RTL9: variants seen among roughly 807,000 people sequenced by gnomAD.
RTL9 encodes retrotransposon Gag-like protein 9.
A neutral mutation model predicts 44.7 loss-of-function variants in RTL9; 19 were observed. That is an observed-to-expected ratio of 0.42 (90% CI 0.30 to 0.62). The LOEUF (loss-of-function observed/expected upper bound fraction) is 0.62, where lower values mean the gene tolerates loss of function less well. Ranked by LOEUF, RTL9 falls within the 20% of genes least tolerant of loss-of-function variation. The probability of loss-of-function intolerance (pLI) is 0.16; values close to 1 mark genes in which losing one functional copy is unlikely to be tolerated. For synonymous variants in RTL9, 407 were observed against 398.9 expected (o/e 1.02, Z -0.24); for missense variants, 1,105 against 1,080.6 (o/e 1.02, Z -0.32).
intron 1 of RTL9, among the ~76,000 whole-genome samples, chrX:110,409,912 C>A (rs981945298): frequency 9.0e-6 from 1 of 111,636 alleles, no homozygotes; most frequent in Non-Finnish European, 1.9e-5. Context: ...TTCACTAGAT[C>A]CCAAACCTGG....
chrX:110,393,579 G>T (rs1426995972), intron 1 of RTL9, among the ~76,000 whole-genome samples: 1 of 111,707 alleles, frequency 9.0e-6, no homozygotes, highest in Non-Finnish European at 1.9e-5. Context: ...TCATCCCACT[G>T]GTGCCTCTAA....
chrX:110,418,323 G>A (rs1307070701), upstream of RTL9, among the ~76,000 whole-genome samples: 1 of 112,241 alleles, frequency 8.9e-6, no homozygotes, highest in Non-Finnish European at 1.9e-5. Flanking sequence ...CAACCCATGA[G>A]CAAACACACT....
intron 1 of RTL9, among the ~76,000 whole-genome samples, chrX:110,428,019 G>A (rs753163889): frequency 1.3e-4 from 15 of 111,973 alleles, no homozygotes; most frequent in South Asian, 7.5e-4. Flanking sequence ...CTCCCACAGC[G>A]TCCACAACAT....
intron 1 of RTL9, among the ~76,000 whole-genome samples, chrX:110,405,096 C>CA (rs1345576852): frequency 4.0e-5 from 4 of 99,591 alleles, no homozygotes; most frequent in Admixed American, 1.1e-4. Flanking sequence ...TGTCCCCCCC[C>CA]CCCCCAAGCA....
chrX:110,449,610 T>G (rs750402683), upstream of RTL9, among the ~76,000 whole-genome samples: 1 of 112,331 alleles, frequency 8.9e-6, no homozygotes, highest in Non-Finnish European at 1.9e-5. Context: ...CAGAGAAACT[T>G]GAAACTTGGA....
chrX:110,408,475 G>GA (rs1420647166), intron 1 of RTL9, among the ~76,000 whole-genome samples: 1 of 112,455 alleles, frequency 8.9e-6, no homozygotes, highest in Non-Finnish European at 1.9e-5. Context: ...TGTTCTGCTG[G>GA]ACTTCCATGG....
intron 1 of RTL9, among the ~76,000 whole-genome samples, chrX:110,369,507 C>A (rs1011469598): frequency 9.0e-6 from 1 of 111,121 alleles, no homozygotes. Flanking sequence ...TTATTCCAAG[C>A]CACCCACATT....
At chrX:110,426,001 C>G (rs749206329) in intron 1 of RTL9, among the ~76,000 whole-genome samples, 6 of 111,670 alleles carry the variant, frequency 5.4e-5, no homozygotes, top group Non-Finnish European at 7.5e-5. Context: ...CACACACAAA[C>G]GCACACACAC....
At chrX:110,434,329 G>A (rs1424624297) in intron 1 of RTL9, among the ~76,000 whole-genome samples, 1 of 111,379 alleles carries the variant, frequency 9.0e-6, no homozygotes, top group East Asian at 2.8e-4. Context: ...AGGCAGATTC[G>A]GGACAGACTA....
upstream of RTL9, among the ~76,000 whole-genome samples, chrX:110,449,367 G>T (rs756315529): frequency 1.8e-5 from 2 of 112,859 alleles, no homozygotes; most frequent in South Asian, 7.4e-4. Flanking sequence ...TAGCGTTTCT[G>T]TTGCAGGTTT....
chrX:110,431,321 G>A (rs1403327864), intron 1 of RTL9, among the ~76,000 whole-genome samples: 1 of 90,884 alleles, frequency 1.1e-5, no homozygotes, highest in Non-Finnish European at 2.1e-5. Flanking sequence ...ATGAGGGGAA[G>A]GCTGTGTGTG....
chrX:110,405,217 TC>T (rs1206403532), intron 1 of RTL9, among the ~76,000 whole-genome samples: 1 of 110,413 alleles, frequency 9.1e-6, no homozygotes, highest in African/African-American at 3.3e-5. Context: ...AATTTTTCTA[TC>T]CTTTCTTGTG....
chrX:110,438,337 A>G (rs2068854397), intron 1 of RTL9, among the ~76,000 whole-genome samples: 2 of 111,814 alleles, frequency 1.8e-5, no homozygotes, highest in South Asian at 3.8e-4. Context: ...GGCCAATGGA[A>G]CATTCTTAAT....
chrX:110,420,108 C>T (rs1256388643), intron 1 of RTL9, among the ~76,000 whole-genome samples: 2 of 111,646 alleles, frequency 1.8e-5, no homozygotes, highest in African/African-American at 6.5e-5. Context: ...ATGCCACCTG[C>T]AGCCCCCACC....
chrX:110,441,947 T>A (rs1401349592), intron 1 of RTL9, among the ~76,000 whole-genome samples: 1 of 111,563 alleles, frequency 9.0e-6, no homozygotes, highest in Non-Finnish European at 1.9e-5. Context: ...AAACTGAGAT[T>A]CAGAAGTTAA....
At chrX:110,433,745 T>G (rs752836155) in intron 1 of RTL9, among the ~76,000 whole-genome samples, 11 of 112,271 alleles carry the variant, frequency 9.8e-5, no homozygotes, top group Non-Finnish European at 2.1e-4. Flanking sequence ...GCCTTTCTTC[T>G]TATCATGATC....
chrX:110,432,859 C>T (rs1474136468), intron 1 of RTL9, among the ~76,000 whole-genome samples: 1 of 112,965 alleles, frequency 8.9e-6, no homozygotes, highest in East Asian at 2.8e-4. Context: ...TGGCAAAGAG[C>T]TTTCACAGCT....
intron 1 of RTL9, among the ~76,000 whole-genome samples, chrX:110,380,552 T>C (rs1293878137): frequency 8.9e-6 from 1 of 112,076 alleles, no homozygotes; most frequent in South Asian, 3.7e-4. Flanking sequence ...ACGCTATTCC[T>C]ATCAAATAAC....
At chrX:110,444,987 G>A (rs1189991298) in intron 1 of RTL9, among the ~76,000 whole-genome samples, 166 bp from the exon 2 acceptor site, 5 of 112,498 alleles carry the variant, frequency 4.4e-5, no homozygotes, top group Admixed American at 9.4e-5. Flanking sequence ...AGGCAGTTCC[G>A]TTTGCTCTTC....
Sources: gnomAD v4.1 joint callset for allele counts (sites outside exome capture counted in the v4.1 genomes callset) on GRCh38, gnomAD v4.1.1 for gene constraint, MANE v1.5 for transcripts, NCBI Gene and HGNC (gene_info 2026-07-23, HGNC 2026-07-21) for gene names.